The following REEP3 variants were observed in gnomAD, a reference collection of about 807,000 sequenced individuals.
The protein encoded by REEP3 is receptor expression-enhancing protein 3.
In REEP3, 20 loss-of-function variants were observed where a neutral mutation model predicts 41.3. The ratio of observed to expected loss-of-function variants is 0.48; its 90% CI spans 0.34 to 0.70. REEP3 has a LOEUF of 0.70. REEP3 is among the 30% of genes least tolerant of loss of function. REEP3 has a pLI of 0.01. For synonymous variants in REEP3, 104 were observed against 101.8 expected (o/e 1.02, Z -0.13); for missense variants, 271 against 308.8 (o/e 0.88, Z 0.92).
At chr10:63,546,926 CTTT>C (rs756972259) in intron 1 of REEP3, among the ~76,000 whole-genome samples, 1 of 145,476 alleles carries the variant, frequency 6.9e-6, no homozygotes. Context: ...TTCTTCGTGA[CTTT>C]TTTTTTTTTT....
rs1956363495 is a variant in REEP3, at chr10:63,622,705, C to CTTTTTTTTCTTTT, written c.*1844_*1845insCTTTTTTTTTTTT. 8.6e-6 allele frequency: 1 copy of CTTTTTTTTCTTTT among 116,602 alleles called. No individual in the cohort carries two copies. The highest frequency in any genetic ancestry group is 3.6e-5 in the African/African-American group (1 of 28,058). The allele number at this position is 116,602 out of a possible 1,614,324, so 7.2% of individuals were successfully genotyped here. Reference sequence around the variant, plus strand: ...TGGGAGCTGATTTGCACCATTTTACCTTTTTTTTTTTTTTTTTTTTGAGAC... The same window carrying CTTTTTTTTCTTTT: ...TGGGAGCTGATTTGCACCATTTTACCTTTTTTTTCTTTTTTTTTTTTTTTTTTTTTTTTGAGAC... On this transcript the variant is annotated 3_prime_UTR_variant, in exon 8 of 8. Transcript: ENST00000373758.
intron 2 of REEP3, among the ~76,000 whole-genome samples, chr10:63,567,041 T>C (rs1955805523): frequency 6.6e-6 from 1 of 152,210 alleles, no homozygotes; most frequent in South Asian, 2.1e-4. Context: ...TGTGTAATAG[T>C]AAATGGCCTT....
intron 1 of REEP3, among the ~76,000 whole-genome samples, chr10:63,558,456 T>G (rs1955710469): frequency 6.6e-6 from 1 of 152,220 alleles, no homozygotes; most frequent in African/African-American, 2.4e-5. Flanking sequence ...GTATCTCTAG[T>G]ATAAACTGGA....
intron 1 of REEP3, among the ~76,000 whole-genome samples, chr10:63,562,255 G>GTTT (rs562176985): frequency 2.9e-5 from 4 of 136,076 alleles, no homozygotes; most frequent in Non-Finnish European, 1.6e-5. Flanking sequence ...ATAAGGCAGA[G>GTTT]TTTTTTTTTT....
intron 1 of REEP3, among the ~76,000 whole-genome samples, chr10:63,560,558 G>A (rs1955731204): frequency 6.6e-6 from 1 of 152,084 alleles, no homozygotes; most frequent in Non-Finnish European, 1.5e-5. Flanking sequence ...GCCAGCGTTC[G>A]TACATTTCCA....
intron 2 of REEP3, among the ~76,000 whole-genome samples, chr10:63,581,380 A>C (rs1287165552): frequency 6.6e-6 from 1 of 152,230 alleles, no homozygotes; most frequent in Non-Finnish European, 1.5e-5. Context: ...AAAATGATAA[A>C]GTTTTTTTGA....
At position 63,600,568 on chromosome 10, in the gene REEP3, T is replaced by C. The variant is rs955797158; in HGVS notation, c.417+1285T>C. Reference sequence around the variant, plus strand: ...TTATTTTAGAAGTTCATTTTGTTTTTTATTTCTTGCTTAGTGAAAATGCAT... The same window carrying C: ...TTATTTTAGAAGTTCATTTTGTTTTCTATTTCTTGCTTAGTGAAAATGCAT... On this transcript the variant is annotated intron_variant, in intron 5 of 7. Coordinates refer to ENST00000373758, the MANE Select transcript of REEP3 (RefSeq NM_001001330.3). Among the ~76,000 whole-genome samples the C allele has an allele frequency of 2.6e-5, 4 of 152,220 alleles. 1 individual carries two copies. The highest frequency in any genetic ancestry group is 2.0e-4 in the Admixed American group (3 of 15,286).
chr10:63,544,837 C>G (rs1589861013), intron 1 of REEP3, among the ~76,000 whole-genome samples: 2 of 152,034 alleles, frequency 1.3e-5, no homozygotes, highest in African/African-American at 2.4e-5. Context: ...AAAAAATACC[C>G]TATGTTAAGA....
Position 63,621,198 on chromosome 10 carries a change from T to TA in REEP3, c.*330dup, listed in dbSNP as rs1182511310. The TA allele has an allele frequency of 4.2e-5, 8 of 192,566 alleles. No individual in the cohort carries two copies. In the Admixed American group the frequency reaches 4.5e-4, roughly 11 times the overall value. The allele number at this position is 192,566 out of a possible 1,614,324, so 11.9% of individuals were successfully genotyped here. A position where few individuals can be genotyped will look rare whatever the true frequency, so the allele number is the denominator to read the frequency against. On this transcript the variant is annotated 3_prime_UTR_variant, in exon 8 of 8. Coordinates refer to ENST00000373758, the MANE Select transcript of REEP3 (RefSeq NM_001001330.3). ...ACAGTATACTTGAAAGGAGCCTTTT[T>TA]ACGGTTCAGGATAAATCAGCCTTTG...
At chr10:63,603,427 T>G (rs556729852) in intron 5 of REEP3, among the ~76,000 whole-genome samples, 1 of 152,142 alleles carries the variant, frequency 6.6e-6, no homozygotes, top group Non-Finnish European at 1.5e-5. Context: ...ATGTGTCTAT[T>G]TCATATATCT....
chr10:63,551,646 C>T (rs541628239), intron 1 of REEP3, among the ~76,000 whole-genome samples: 1 of 152,212 alleles, frequency 6.6e-6, no homozygotes, highest in Admixed American at 6.5e-5. Flanking sequence ...AATTGAGGGA[C>T]ATTCTAAAAA....
At chr10:63,605,263 T>C (rs1956213684) in intron 5 of REEP3, among the ~76,000 whole-genome samples, 1 of 152,214 alleles carries the variant, frequency 6.6e-6, no homozygotes. Flanking sequence ...TAAATACGTA[T>C]TGCTTTAAAC....
At position 63,594,934 on chromosome 10, in the gene REEP3, A is replaced by G. The variant is rs1350280416; in HGVS notation, c.182+80A>G. 7 of 888,404 alleles carry G rather than the reference A, an allele frequency of 7.9e-6. No individual in the cohort carries two copies. In the Middle Eastern group the frequency reaches 1.5e-3, roughly 192 times the overall value. The allele number at this position is 888,404 out of a possible 1,614,324, so 55.0% of individuals were successfully genotyped here. On this transcript the variant is annotated intron_variant, in intron 3 of 7. Coordinates refer to ENST00000373758, the MANE Select transcript of REEP3 (RefSeq NM_001001330.3). The stretch of plus-strand genomic sequence containing the variant: ...AAGTTCTTATCCTGCTCTTGCTATT[A>G]ACTGAGTGATTTTCATCAGGTTACC...
At chr10:63,576,599 C>T (rs775669095) in intron 2 of REEP3, among the ~76,000 whole-genome samples, 3 of 152,172 alleles carry the variant, frequency 2.0e-5, no homozygotes, top group African/African-American at 7.2e-5. Context: ...AATAAGGTCA[C>T]GTTCTGAGGG....
chr10:63,606,316 C>T (rs1319435573), intron 5 of REEP3, among the ~76,000 whole-genome samples: 1 of 149,506 alleles, frequency 6.7e-6, no homozygotes. Context: ...CTCTCTGTCT[C>T]TCTCTTTCTC....
chr10:63,545,680 GTTTTTTTTTTTT>G (rs55779021), intron 1 of REEP3, among the ~76,000 whole-genome samples: 1 of 55,412 alleles, frequency 1.8e-5, no homozygotes, highest in Non-Finnish European at 3.2e-5. Context: ...GCCAACTTCT[GTTTTTTTTTTTT>G]TTTTTTTTTT....
At position 63,610,179 on chromosome 10, in the gene REEP3, T is replaced by C; in HGVS notation, c.418-8T>C. On this transcript the variant is annotated splice_polypyrimidine_tract_variant and splice_region_variant and intron_variant, in intron 5 of 7. Transcript: ENST00000373758. ...TTTTCTTGGACCTATCACTTCTCTG[T>C]TAAATAGAGCCAAGGAGCAATAACT... 1 of 1,607,204 alleles carries C rather than the reference T, an allele frequency of 6.2e-7. No homozygotes were observed. Among genetic ancestry groups the C allele is most frequent in the Non-Finnish European group, 8.5e-7 (1 of 1,176,564 alleles).
intron 6 of REEP3, among the ~76,000 whole-genome samples, chr10:63,618,542 C>A (rs567561719): frequency 6.6e-6 from 1 of 151,974 alleles, no homozygotes; most frequent in African/African-American, 2.4e-5. Context: ...CCACCATGCC[C>A]GGCCTCTTCA....
At chr10:63,542,067 C>G (rs548574774) in intron 1 of REEP3, among the ~76,000 whole-genome samples, 1 of 140,084 alleles carries the variant, frequency 7.1e-6, no homozygotes, top group Non-Finnish European at 1.5e-5. Flanking sequence ...ATCACTACTT[C>G]TTTTTGTTTT....
Sources: allele counts gnomAD v4.1 joint callset (sites outside exome capture counted in the v4.1 genomes callset), GRCh38; gene constraint gnomAD v4.1.1; transcripts MANE v1.5; gene names NCBI Gene and HGNC (gene_info 2026-07-23, HGNC 2026-07-21).